The following IL11RA variants were observed in gnomAD, a reference collection of about 807,000 sequenced individuals.
The protein encoded by IL11RA is interleukin-11 receptor subunit alpha.
A neutral mutation model predicts 57.0 loss-of-function variants in IL11RA; 51 were observed. The observed-to-expected ratio is 0.89, with a 90% CI of 0.71 to 1.13. The LOEUF is 1.13. Among genes scored for constraint, IL11RA ranks in the 50% most tolerant of loss-of-function variants. The pLI is 0.00. For missense variants in IL11RA, 498 were observed against 539.4 expected, an observed-to-expected ratio of 0.92 and a Z score of 0.76; for synonymous variants, 199 against 217.5, an observed-to-expected ratio of 0.91 and a Z score of 0.75.
At chr9:34,656,365 C>G (rs746563713) in intron 3 of IL11RA, among the ~76,000 whole-genome samples, 1 of 152,160 alleles carries the variant, frequency 6.6e-6, no homozygotes, top group Non-Finnish European at 1.5e-5. Context: ...TAGGAAAGGT[C>G]TCTCTGAGGA....
intron 10 of IL11RA, 42 bp downstream of exon 10, chr9:34,660,435 ACC>A: frequency 1.9e-6 from 3 of 1,613,618 alleles, no homozygotes; most frequent in Non-Finnish European, 2.5e-6. Flanking sequence ...AGGACTGAAA[ACC>A]CCAGAGAAAA....
chr9:34,655,157 A>G (rs1350683919), intron 1 of IL11RA, 61 bp from the exon 2 acceptor site: 13 of 1,175,886 alleles, frequency 1.1e-5, no homozygotes, highest in Non-Finnish European at 1.6e-5. Flanking sequence ...GGAGAGGAAG[A>G]GCCAGGCTTT....
In IL11RA at chr9:34,653,124, G is replaced by A. The variant is rs753778557; in HGVS notation, c.-1+891G>A. On this transcript the variant is annotated intron_variant, in intron 1 of 12. Coordinates refer to ENST00000441545, the MANE Select transcript of IL11RA (RefSeq NM_001142784.3). The surrounding 1 kb of genome is among the most constrained non-coding windows in gnomAD (Gnocchi z 4.5). ...CAGTGATGAGATGCGGGTCTGCCCC[G>A]GCTAAGAGCTCCCTGAGAGAGGGGG... is the stretch of plus-strand genomic sequence containing the variant. Among the ~76,000 whole-genome samples the A allele has an allele frequency of 7.2e-5, 11 of 152,116 alleles. No individual in the cohort carries two copies. The highest frequency in any genetic ancestry group is 5.8e-4 in the East Asian group (3 of 5,192).
chr9:34,660,503 G>T lies in IL11RA; in HGVS notation c.1073-1G>T. ...CAGTGACATGTGGCCCTCCCCCTCA[G>T]ATCACAGGGACTCTGTGGAGCAGGT... On this transcript the variant is annotated splice_acceptor_variant, in intron 10 of 12. Transcript: ENST00000441545. LOFTEE classifies it high-confidence loss of function. 1 of 1,614,188 alleles carries T rather than the reference G, an allele frequency of 6.2e-7. No homozygotes were observed. Among genetic ancestry groups the T allele is most frequent in the Middle Eastern group, 1.6e-4 (1 of 6,062 alleles).
chr9:34,656,863 A>G lies in IL11RA; in HGVS notation c.286A>G (p.Thr96Ala). 6.2e-7 allele frequency: 1 copy of G among 1,614,108 alleles called. No individual in the cohort carries two copies. The highest frequency in any genetic ancestry group is 8.5e-7 in the Non-Finnish European group (1 of 1,180,024). The change falls in exon 4 of 13, where the codon ACC (threonine) becomes GCC (alanine). Residue 96 changes from threonine (T) to alanine (A), a missense_variant. Transcript: ENST00000441545. ...TGATGAGGGCACCTACATCTGCCAG[A>G]CCCTGGATGGTGCACTTGGGGGCAC... is the stretch of plus-strand genomic sequence containing the variant. ...STDEGTYICQ[T>A]LDGALGGTVT...
At position 34,653,360 on chromosome 9, in the gene IL11RA, C is replaced by T. The variant is rs1430772581; in HGVS notation, c.-1+1127C>T. 6.6e-6 allele frequency among the ~76,000 whole-genome samples: 1 copy of T among 152,056 alleles called. No individual in the cohort carries two copies. Among genetic ancestry groups the T allele is most frequent in the Admixed American group, 6.6e-5 (1 of 15,264 alleles). ...TCTTGTGTATCTGGCACCAAGGGAC[C>T]AAAGGCATTTCCTGGTGCTGGGGCC... On this transcript the variant is annotated intron_variant, in intron 1 of 12. Transcript: ENST00000441545. The surrounding 1 kb of genome is among the most constrained non-coding windows in gnomAD (Gnocchi z 4.5).
At chr9:34,660,981 C>T (rs755431428) in intron 12 of IL11RA, 45 bp downstream of exon 12, 10 of 1,488,508 alleles carry the variant, frequency 6.7e-6, no homozygotes. Context: ...ATGTTTGCCC[C>T]TATTTTGAGT....
intron 1 of IL11RA, chr9:34,654,956 C>T (rs1821313850): frequency 2.2e-6 from 1 of 447,598 alleles, no homozygotes. Context: ...GCCCTAAGCC[C>T]AGGACTGAGA....
At chr9:34,659,998 C>T in intron 9 of IL11RA, 98 bp downstream of exon 9, 2 of 1,459,694 alleles carry the variant, frequency 1.4e-6, no homozygotes, top group Non-Finnish European at 1.9e-6. Context: ...CATGCCCTGC[C>T]CACACAGGCA....
chr9:34,652,559 GT>G (rs1821273702), intron 1 of IL11RA, among the ~76,000 whole-genome samples: 1 of 152,132 alleles, frequency 6.6e-6, no homozygotes, highest in Non-Finnish European at 1.5e-5. Flanking sequence ...GAGGGAATGT[GT>G]TTTGGGAAGG....
At chr9:34,655,102 A>G in intron 1 of IL11RA, 116 bp from the exon 2 acceptor site, 1 of 749,054 alleles carries the variant, frequency 1.3e-6, no homozygotes, top group Non-Finnish European at 2.4e-6. Context: ...TAACAGCCTT[A>G]CCCCACTTGG....
rs1350914917 is a variant in IL11RA, at chr9:34,658,729, C to T, written c.810+46C>T. ...CAACCCACGGCTGTGGGTCCTGTCT[C>T]TGATTTCACGATCCTGGGTGTTCTG... On this transcript the variant is annotated intron_variant, in intron 8 of 12. Coordinates refer to ENST00000441545, the MANE Select transcript of IL11RA (RefSeq NM_001142784.3). The surrounding 1 kb of genome is among the most constrained non-coding windows in gnomAD (Gnocchi z 4.0). The T allele has an allele frequency of 1.9e-6, 3 of 1,595,382 alleles. No individual in the cohort carries two copies. Among genetic ancestry groups the T allele is most frequent in the Non-Finnish European group, 2.6e-6 (3 of 1,172,278 alleles).
chr9:34,656,034 CTTTTT>C (rs556829448), intron 3 of IL11RA: 12 of 255,480 alleles, frequency 4.7e-5, no homozygotes, highest in South Asian at 1.6e-4. Flanking sequence ...TGAGTGGTTA[CTTTTT>C]TTTTTTTTTT....
Position 34,658,575 on chromosome 9 carries a change from A to G in IL11RA, c.702A>G (p.Arg234=). Residue 234 remains arginine, a synonymous_variant, in exon 8 of 13, where the codon CGA becomes CGG. Transcript: ENST00000441545. This position sits in a 1 kb window ranked among gnomAD's most constrained non-coding sequence, Gnocchi z 4.0. ...TAGAGTCAGTACCAGGTTACCCCCGACGCCTGCGAGCCAGCTGGACATACC... is the reference window on the plus strand; with the variant it reads ...TAGAGTCAGTACCAGGTTACCCCCGGCGCCTGCGAGCCAGCTGGACATACC... ...LRVESVPGYP[R]RLRASWTYPA... 1 of 1,613,958 alleles carries G rather than the reference A, an allele frequency of 6.2e-7. No individual in the cohort carries two copies. The highest frequency in any genetic ancestry group is 8.5e-7 in the Non-Finnish European group (1 of 1,180,008).
intron 9 of IL11RA, 135 bp downstream of exon 9, chr9:34,660,035 C>G: frequency 7.8e-7 from 1 of 1,283,584 alleles, no homozygotes; most frequent in Non-Finnish European, 1.1e-6. Flanking sequence ...AGACTTCAGA[C>G]TTGTTTGCCT....
intron 1 of IL11RA, among the ~76,000 whole-genome samples, chr9:34,654,798 G>A (rs1219207607): frequency 1.3e-5 from 2 of 152,168 alleles, no homozygotes; most frequent in East Asian, 3.9e-4. Flanking sequence ...GACCAGGTGG[G>A]GGTAAATACC....
chr9:34,660,488 T>C lies in IL11RA; in HGVS notation c.1073-16T>C. 6.2e-7 allele frequency: 1 copy of C among 1,613,950 alleles called. No individual in the cohort carries two copies. Among genetic ancestry groups the C allele is most frequent in the Non-Finnish European group, 8.5e-7 (1 of 1,179,842 alleles). On this transcript the variant is annotated splice_polypyrimidine_tract_variant and intron_variant, in intron 10 of 12. Coordinates refer to ENST00000441545, the MANE Select transcript of IL11RA (RefSeq NM_001142784.3). ...GGTCAGGCTTGCTCTCAGTGACATG[T>C]GGCCCTCCCCCTCAGATCACAGGGA...
At chr9:34,659,275 T>C (rs999186474) in intron 8 of IL11RA, among the ~76,000 whole-genome samples, 7 of 152,208 alleles carry the variant, frequency 4.6e-5, no homozygotes, top group African/African-American at 1.7e-4. Flanking sequence ...CACATTCTCC[T>C]ACAAACACTC....
chr9:34,661,140 C>A (rs1003933127), intron 12 of IL11RA, among the ~76,000 whole-genome samples: 1 of 151,488 alleles, frequency 6.6e-6, no homozygotes, highest in African/African-American at 2.4e-5. Context: ...TCCCTCCTCT[C>A]AGGGTACTGA....
Sources: allele counts gnomAD v4.1 joint callset (sites outside exome capture counted in the v4.1 genomes callset), GRCh38; gene constraint gnomAD v4.1.1; non-coding constraint Gnocchi (gnomAD v3.1); transcripts MANE v1.5; gene names NCBI Gene and HGNC (gene_info 2026-07-23, HGNC 2026-07-21).